Variants in SUGCT observed in about 807,000 individuals in gnomAD.
SUGCT encodes the protein succinyl-CoA:glutarate-CoA transferase.
A neutral mutation model predicts 55.0 loss-of-function variants in SUGCT; 41 were observed. The ratio of observed to expected loss-of-function variants is 0.74; its 90% CI spans 0.58 to 0.97. The LOEUF is 0.97. Among genes scored for constraint, SUGCT ranks in the 50% least tolerant of loss-of-function variants. SUGCT has a pLI of 0.00. For missense variants in SUGCT, 568 were observed against 547.8 expected (o/e 1.04, Z -0.37); for synonymous variants, 187 against 200.4 (o/e 0.93, Z 0.56).
At chr7:40,377,078 A>G (rs1397680125) in intron 9 of SUGCT, among the ~76,000 whole-genome samples, 4 of 64,552 alleles carry the variant, frequency 6.2e-5, no homozygotes, top group African/African-American at 1.6e-4. Context: ...ACATTTTTCA[A>G]TCTGTGTTTA....
chr7:40,909,761 A>G, the SUGCT span, among the ~76,000 whole-genome samples: 1 of 152,172 alleles, frequency 6.6e-6, no homozygotes, highest in Non-Finnish European at 1.5e-5. Flanking sequence ...CTCCAAGGTT[A>G]TGAGGTAGTT....
intron 12 of SUGCT, among the ~76,000 whole-genome samples, chr7:40,536,349 AGGCAGGGAGAAGGG>A (rs565537707): frequency 2.6e-3 from 400 of 152,346 alleles, no homozygotes; most frequent in Non-Finnish European, 4.3e-3. Flanking sequence ...GCTCTGAGAC[AGGCAGGGAGAAGGG>A]GGCAGGGATT....
chr7:40,923,981 G>A, the SUGCT span, among the ~76,000 whole-genome samples: 1 of 152,144 alleles, frequency 6.6e-6, no homozygotes, highest in Non-Finnish European at 1.5e-5. Flanking sequence ...TGAGGGCAGA[G>A]TTCTCTCATG....
chr7:40,544,256 G>A (rs1435210150), intron 12 of SUGCT, among the ~76,000 whole-genome samples: 1 of 151,798 alleles, frequency 6.6e-6, no homozygotes, highest in Non-Finnish European at 1.5e-5. Context: ...CATAACCCAG[G>A]AGTCTTCACT....
intron 7 of SUGCT, among the ~76,000 whole-genome samples, chr7:40,260,411 T>C (rs1482849161): frequency 6.6e-6 from 1 of 152,206 alleles, no homozygotes; most frequent in South Asian, 2.1e-4. Context: ...CTAGGAAAGA[T>C]TCAGCTTCAG....
At chr7:40,764,744 C>A (rs1788695503) in intron 13 of SUGCT, among the ~76,000 whole-genome samples, 1 of 152,174 alleles carries the variant, frequency 6.6e-6, no homozygotes, top group African/African-American at 2.4e-5. Flanking sequence ...TTTTCCCTGT[C>A]AACCTTCCTG....
At chr7:41,004,599 C>G in the SUGCT span, among the ~76,000 whole-genome samples, 3 of 152,298 alleles carry the variant, frequency 2.0e-5, no homozygotes, top group Admixed American at 6.5e-5. Context: ...CAGAGAGGAA[C>G]TGCTATGGCT....
At chr7:40,413,372 G>T (rs1253021789) in intron 9 of SUGCT, among the ~76,000 whole-genome samples, 1 of 152,078 alleles carries the variant, frequency 6.6e-6, no homozygotes, top group African/African-American at 2.4e-5. Context: ...GCTGTTTCAG[G>T]CAAGAACCCT....
the SUGCT span, among the ~76,000 whole-genome samples, chr7:41,029,830 A>G: frequency 2.6e-5 from 4 of 152,316 alleles, no homozygotes; most frequent in East Asian, 1.9e-4. Flanking sequence ...TGGCAAATAC[A>G]TAATGTCATG....
chr7:40,741,072 A>G (rs1787435377), intron 12 of SUGCT, among the ~76,000 whole-genome samples: 1 of 152,034 alleles, frequency 6.6e-6, no homozygotes, highest in Non-Finnish European at 1.5e-5. Flanking sequence ...TGAGGCCAGG[A>G]GTTCAAGACT....
chr7:40,800,049 G>A (rs1050172106), intron 13 of SUGCT, among the ~76,000 whole-genome samples: 5 of 152,118 alleles, frequency 3.3e-5, no homozygotes, highest in East Asian at 3.9e-4. Flanking sequence ...CCAAGCAGAC[G>A]TTTGTTTTCA....
At chr7:40,565,915 A>G (rs1796105904) in intron 12 of SUGCT, among the ~76,000 whole-genome samples, 1 of 151,174 alleles carries the variant, frequency 6.6e-6, no homozygotes, top group African/African-American at 2.4e-5. Flanking sequence ...GTTTCTCTTG[A>G]TCACTCTCTT....
At chr7:40,982,668 T>G in the SUGCT span, among the ~76,000 whole-genome samples, 1 of 152,128 alleles carries the variant, frequency 6.6e-6, no homozygotes, top group Admixed American at 6.6e-5. Context: ...TTTTTTTTTA[T>G]TTTTTAGATA....
chr7:40,188,142 T>G (rs1176381465), intron 3 of SUGCT, among the ~76,000 whole-genome samples: 1 of 148,662 alleles, frequency 6.7e-6, no homozygotes, highest in African/African-American at 2.5e-5. Flanking sequence ...ACTTAGAAAC[T>G]GCTTTAAATG....
chr7:40,679,981 C>T (rs1256709424), intron 12 of SUGCT, among the ~76,000 whole-genome samples: 1 of 152,140 alleles, frequency 6.6e-6, no homozygotes, highest in African/African-American at 2.4e-5. Flanking sequence ...GTTGCTAATG[C>T]ATGGCCCTCC....
chr7:40,948,004 C>A, the SUGCT span, among the ~76,000 whole-genome samples: 4 of 152,178 alleles, frequency 2.6e-5, no homozygotes, highest in African/African-American at 9.7e-5. Context: ...GCCGATGAAG[C>A]CTCTATTGAC....
chr7:40,532,273 C>G (rs1481944697), intron 12 of SUGCT, among the ~76,000 whole-genome samples: 2 of 152,100 alleles, frequency 1.3e-5, no homozygotes, highest in East Asian at 3.9e-4. Flanking sequence ...TAAAATGAAA[C>G]AAATGAAAAT....
intron 1 of SUGCT, among the ~76,000 whole-genome samples, chr7:40,150,628 G>A (rs1393670473): frequency 6.6e-6 from 1 of 151,912 alleles, no homozygotes; most frequent in Admixed American, 6.6e-5. Context: ...GTCGAGATCA[G>A]CCATTGCACT....
intron 13 of SUGCT, among the ~76,000 whole-genome samples, chr7:40,763,937 T>C (rs10486815): frequency 0.013 from 2,054 of 152,282 alleles, 144 homozygotes; most frequent in East Asian, 0.092. Context: ...CTTCTTCGGC[T>C]TGCGTGTTTA....
Sources: gnomAD v4.1 joint callset for allele counts (sites outside exome capture counted in the v4.1 genomes callset) on GRCh38, gnomAD v4.1.1 for gene constraint, MANE v1.5 for transcripts, NCBI Gene and HGNC (gene_info 2026-07-23, HGNC 2026-07-21) for gene names.